Variants in CEP128 observed in about 807,000 individuals in gnomAD.
The protein encoded by CEP128 is centrosomal protein 128.
In CEP128, 132 loss-of-function variants were observed where a neutral mutation model predicts 156.7. That is an observed-to-expected ratio of 0.84 (90% CI 0.73 to 0.97). The LOEUF (loss-of-function observed/expected upper bound fraction) is 0.97, where lower values mean the gene tolerates loss of function less well. CEP128 is among the 50% of genes least tolerant of loss of function. CEP128 has a pLI of 0.00. For synonymous variants in CEP128, 469 were observed against 448.9 expected, an observed-to-expected ratio of 1.04 and a Z score of -0.57; for missense variants, 1,252 against 1,281.9, an observed-to-expected ratio of 0.98 and a Z score of 0.36.
Position 80,743,074 on chromosome 14 carries a change from C to A in CEP128, c.2806+1G>T. Reference sequence around the variant, plus strand: ...AAAATGAAAGAACAACTAACACACACCTCTCTTCTCACGATGTATTTCATC... The same window carrying A: ...AAAATGAAAGAACAACTAACACACAACTCTCTTCTCACGATGTATTTCATC... On this transcript the variant is annotated splice_donor_variant, in intron 19 of 24. Transcript: ENST00000555265. LOFTEE classifies it high-confidence loss of function. 1.9e-6 allele frequency: 3 copies of A among 1,612,644 alleles called. No homozygotes were observed. Among genetic ancestry groups the A allele is most frequent in the Non-Finnish European group, 2.5e-6 (3 of 1,179,114 alleles).
intron 20 of CEP128, among the ~76,000 whole-genome samples, chr14:80,569,774 G>T (rs1038319634): frequency 1.5e-4 from 23 of 152,030 alleles, no homozygotes; most frequent in African/African-American, 5.3e-4. Context: ...ATGTTTATTT[G>T]GTTGAAACCA....
intron 18 of CEP128, among the ~76,000 whole-genome samples, chr14:80,752,742 T>C (rs1471015075): frequency 1.3e-5 from 2 of 152,090 alleles, no homozygotes; most frequent in Non-Finnish European, 2.9e-5. Context: ...GAGACCTGAG[T>C]TCTAAGCCCT....
At chr14:80,929,244 A>T (rs1478912214) in intron 2 of CEP128, among the ~76,000 whole-genome samples, 1 of 152,222 alleles carries the variant, frequency 6.6e-6, no homozygotes, top group Non-Finnish European at 1.5e-5. Context: ...ATGTAATGAA[A>T]TGAGAATGCT....
In CEP128 at chr14:80,629,674, G is replaced by A. The variant is rs532557377; in HGVS notation, c.2807-49251C>T. On this transcript the variant is annotated intron_variant, in intron 19 of 24. Coordinates refer to ENST00000555265, the MANE Select transcript of CEP128 (RefSeq NM_152446.5). Reference sequence around the variant, plus strand: ...TGTAGTCTCTATAGGCCTAGGGTTTGCACTGAAGTTTTTCTATGTGGTTTT... The same window carrying A: ...TGTAGTCTCTATAGGCCTAGGGTTTACACTGAAGTTTTTCTATGTGGTTTT... 3.4e-4 allele frequency among the ~76,000 whole-genome samples: 52 copies of A among 151,906 alleles called. 2 individuals carry two copies. In the South Asian group the frequency reaches 0.011, roughly 32 times the overall value.
intron 23 of CEP128, among the ~76,000 whole-genome samples, chr14:80,517,058 T>C (rs1436940184): frequency 6.6e-6 from 1 of 152,180 alleles, no homozygotes; most frequent in Admixed American, 6.5e-5. Context: ...CCCTAATTAT[T>C]CTTTTAATAT....
chr14:80,913,122 C>G (rs1187718375), intron 4 of CEP128, among the ~76,000 whole-genome samples: 1 of 152,212 alleles, frequency 6.6e-6, no homozygotes, highest in East Asian at 1.9e-4. Flanking sequence ...TAAGTATAAA[C>G]TGGAACATCC....
chr14:80,851,993 T>C lies in CEP128; in HGVS notation c.762+10764A>G, dbSNP rs1886914912. Among the ~76,000 whole-genome samples the C allele has an allele frequency of 5.3e-5, 8 of 152,140 alleles. No individual in the cohort carries two copies. The South Asian group carries it at 1.7e-3, about 31-fold the overall frequency. ...ATCACACGGAGAAACTGATAATCTC[T>C]ATAATAATGAGAAGCTTTAGATATA... On this transcript the variant is annotated intron_variant, in intron 9 of 24. Transcript: ENST00000555265.
chr14:80,906,221 T>C, intron 4 of CEP128, 140 bp from the exon 5 acceptor site: 1 of 599,302 alleles, frequency 1.7e-6, no homozygotes, highest in Non-Finnish European at 2.7e-6. Context: ...TTAAACTAAG[T>C]TATGTTTAAA....
At chr14:80,882,766 A>T (rs768958177) in intron 8 of CEP128, among the ~76,000 whole-genome samples, 4 of 152,176 alleles carry the variant, frequency 2.6e-5, no homozygotes, top group Non-Finnish European at 5.9e-5. Flanking sequence ...TTCCAACAAC[A>T]TGGATGGAAC....
chr14:80,829,980 G>A lies in CEP128; in HGVS notation c.1209+1163C>T, dbSNP rs543275095. On this transcript the variant is annotated intron_variant, in intron 13 of 24. Transcript: ENST00000555265. Reference sequence around the variant, plus strand: ...AGGAAAGAAGGGAGGGAGGACCAATGTGTGGTTATGAACATAGAGCAAAGG... The same window carrying A: ...AGGAAAGAAGGGAGGGAGGACCAATATGTGGTTATGAACATAGAGCAAAGG... 9.9e-4 allele frequency among the ~76,000 whole-genome samples: 151 copies of A among 152,270 alleles called. 1 individual carries two copies. The highest frequency in any genetic ancestry group is 3.3e-3 in the African/African-American group (138 of 41,546).
intron 19 of CEP128, among the ~76,000 whole-genome samples, chr14:80,729,238 C>T (rs2139513740): frequency 6.6e-6 from 1 of 151,842 alleles, no homozygotes; most frequent in African/African-American, 2.4e-5. Context: ...GTTTGGCTCC[C>T]ACTTATAAGT....
At chr14:80,618,549 G>A (rs975024048) in intron 19 of CEP128, among the ~76,000 whole-genome samples, 3 of 152,216 alleles carry the variant, frequency 2.0e-5, no homozygotes, top group Non-Finnish European at 4.4e-5. Context: ...AAATGAAAAT[G>A]CACAAACAAG....
chr14:80,784,275 G>A (rs770726962), intron 15 of CEP128, among the ~76,000 whole-genome samples: 4 of 125,942 alleles, frequency 3.2e-5, no homozygotes, highest in Admixed American at 7.8e-5. Context: ...CATATGACAC[G>A]TGTTATGAAA....
chr14:80,906,878 G>A (rs961247540), intron 4 of CEP128, among the ~76,000 whole-genome samples: 4 of 152,076 alleles, frequency 2.6e-5, no homozygotes. Flanking sequence ...GGGAAACTTC[G>A]GGTCTAGATA....
At chr14:80,892,451 A>C (rs1218458609) in intron 8 of CEP128, among the ~76,000 whole-genome samples, 1 of 152,054 alleles carries the variant, frequency 6.6e-6, no homozygotes, top group East Asian at 1.9e-4. Flanking sequence ...AAATTCCTAT[A>C]AGAGAACATA....
chr14:80,955,877 G>T, intron 2 of CEP128: 1 of 1,613,988 alleles, frequency 6.2e-7, no homozygotes, highest in South Asian at 1.1e-5. Flanking sequence ...GATCAGGGTA[G>T]GACCCAGAGA....
chr14:80,878,913 C>T (rs191738025), intron 8 of CEP128, among the ~76,000 whole-genome samples: 1 of 152,326 alleles, frequency 6.6e-6, no homozygotes, highest in East Asian at 1.9e-4. Flanking sequence ...TGCCTGTGAA[C>T]CACGTCAGAT....
At chr14:80,779,106 A>G (rs1900957678) in intron 15 of CEP128, among the ~76,000 whole-genome samples, 1 of 152,218 alleles carries the variant, frequency 6.6e-6, no homozygotes, top group Non-Finnish European at 1.5e-5. Context: ...AACTGGGTGC[A>G]ACTAGAAATG....
intron 12 of CEP128, among the ~76,000 whole-genome samples, chr14:80,835,666 G>A (rs1242267078): frequency 1.3e-5 from 2 of 151,866 alleles, no homozygotes; most frequent in Non-Finnish European, 2.9e-5. Context: ...CACTGAGAAG[G>A]TATCCTAATA....
Sources: gnomAD v4.1 joint callset for allele counts (sites outside exome capture counted in the v4.1 genomes callset) on GRCh38, gnomAD v4.1.1 for gene constraint, MANE v1.5 for transcripts, NCBI Gene and HGNC (gene_info 2026-07-23, HGNC 2026-07-21) for gene names.